RBFOX1: variants seen among roughly 807,000 people sequenced by gnomAD.
The protein encoded by RBFOX1 is RNA binding protein fox-1 homolog 1.
RBFOX1 carries 8 observed loss-of-function variants against 57.7 expected under a neutral mutation model. The observed-to-expected ratio is 0.14, with a 90% confidence interval of 0.08 to 0.25. The LOEUF (loss-of-function observed/expected upper bound fraction) is 0.25. Ranked by LOEUF, RBFOX1 falls within the 10% of genes least tolerant of loss-of-function variation. The pLI is 1.00. For missense variants in RBFOX1, 611 were observed against 548.5 expected, an observed-to-expected ratio of 1.11 and a Z score of -1.14; for synonymous variants, 326 against 222.4, an observed-to-expected ratio of 1.47 and a Z score of -4.15.
intron 2 of RBFOX1, among the ~76,000 whole-genome samples, chr16:6,335,636 G>A (rs999672542): frequency 1.3e-5 from 2 of 151,574 alleles, no homozygotes; most frequent in African/African-American, 4.8e-5. Flanking sequence ...AAATTAGCTG[G>A]GTGTGTTGAC....
chr16:6,019,397 G>T lies in RBFOX1; in HGVS notation c.-722G>T. 11 of 986,254 alleles carry T rather than the reference G, an allele frequency of 1.1e-5. No homozygotes were observed. The highest frequency in any genetic ancestry group is 1.3e-5 in the Non-Finnish European group (11 of 830,632). 61.1% of individuals were successfully genotyped at this position (986,254 alleles called of 1,614,324 possible). A position where few individuals can be genotyped will look rare whatever the true frequency, so the allele number is the denominator to read the frequency against. ...CTGCCCTGAAGTGGTTCTCCAAGCA[G>T]CGCGGAGGGTGGCGGACGGCGGACG... On this transcript the variant is annotated 5_prime_UTR_variant, in exon 1 of 16. Coordinates refer to ENST00000550418, the MANE Select transcript of RBFOX1 (RefSeq NM_018723.4). The surrounding 1 kb of genome is among the most constrained non-coding windows in gnomAD (Gnocchi z 4.2).
chr16:5,570,390 T>C (rs1445102058), intron 2 of RBFOX1, among the ~76,000 whole-genome samples: 1 of 152,162 alleles, frequency 6.6e-6, no homozygotes, highest in Non-Finnish European at 1.5e-5. Context: ...GGAGTTAGTG[T>C]ATGGGACTCA....
chr16:6,459,016 T>C (rs1765151932), intron 2 of RBFOX1, among the ~76,000 whole-genome samples: 1 of 152,238 alleles, frequency 6.6e-6, no homozygotes. Flanking sequence ...AGAAATTAAG[T>C]GCTTTGGAAA....
chr16:7,174,696 C>G (rs1435828364), intron 4 of RBFOX1, among the ~76,000 whole-genome samples: 1 of 152,208 alleles, frequency 6.6e-6, no homozygotes, highest in Non-Finnish European at 1.5e-5. Flanking sequence ...AGGAGAATCA[C>G]TTGAACGCGA....
chr16:6,758,437 A>G (rs2076136219), intron 3 of RBFOX1, among the ~76,000 whole-genome samples: 1 of 152,162 alleles, frequency 6.6e-6, no homozygotes, highest in Non-Finnish European at 1.5e-5. Context: ...TTGACAAATT[A>G]CAATTGAACC....
intron 1 of RBFOX1, among the ~76,000 whole-genome samples, chr16:5,276,598 C>T (rs1324019932): frequency 1.3e-5 from 2 of 152,100 alleles, no homozygotes; most frequent in Admixed American, 6.5e-5. Flanking sequence ...GCCTGACTAA[C>T]ATGGTGAAAC....
intron 2 of RBFOX1, among the ~76,000 whole-genome samples, chr16:6,573,506 C>A (rs912993063): frequency 6.6e-6 from 1 of 152,238 alleles, no homozygotes; most frequent in Non-Finnish European, 1.5e-5. Context: ...AAAAATTCTT[C>A]TGATTTACTG....
chr16:7,197,098 C>G (rs2086891203), intron 4 of RBFOX1, among the ~76,000 whole-genome samples: 1 of 152,166 alleles, frequency 6.6e-6, no homozygotes, highest in South Asian at 2.1e-4. Context: ...TACTCCTGTT[C>G]CATCTCTCCC....
At chr16:7,201,589 A>G (rs1187958259) in intron 4 of RBFOX1, among the ~76,000 whole-genome samples, 2 of 151,936 alleles carry the variant, frequency 1.3e-5, no homozygotes, top group African/African-American at 4.8e-5. Flanking sequence ...CAGCCTCCCA[A>G]GTGGCTGGGA....
intron 4 of RBFOX1, among the ~76,000 whole-genome samples, chr16:7,489,791 G>A (rs926813976): frequency 6.6e-6 from 1 of 151,928 alleles, no homozygotes; most frequent in Non-Finnish European, 1.5e-5. Flanking sequence ...AGAGCACTGG[G>A]ATTACAGGTG....
intron 4 of RBFOX1, among the ~76,000 whole-genome samples, chr16:7,218,657 T>C (rs979468083): frequency 1.8e-4 from 27 of 149,682 alleles, no homozygotes; most frequent in South Asian, 1.3e-3. Flanking sequence ...TGTGTGTGTG[T>C]GTGTGTGTGT....
intron 3 of RBFOX1, among the ~76,000 whole-genome samples, chr16:5,697,451 T>A (rs981454585): frequency 6.0e-5 from 9 of 151,182 alleles, no homozygotes; most frequent in Non-Finnish European, 1.2e-4. Context: ...ATGCCATATT[T>A]ATTGCCTATT....
intron 4 of RBFOX1, among the ~76,000 whole-genome samples, chr16:7,066,131 C>G (rs138518300): frequency 1.3e-5 from 2 of 152,294 alleles, no homozygotes; most frequent in Admixed American, 6.5e-5. Context: ...TCATTAGGCA[C>G]AAACAAATGC....
At chr16:7,042,648 A>G (rs2046549559) in intron 3 of RBFOX1, among the ~76,000 whole-genome samples, 1 of 152,232 alleles carries the variant, frequency 6.6e-6, no homozygotes, top group South Asian at 2.1e-4. Flanking sequence ...GATTAAGGCC[A>G]GGTGCAGTGG....
rs376118657 is a variant in RBFOX1 at position 6,054,224 on chromosome 16, G to C, written c.-127+34232G>C. ...TTATTTCATCCTGCTCTGCTTATTA[G>C]GAAACATAATATAATATGTTTTTTT... On this transcript the variant is annotated intron_variant, in intron 1 of 15. Transcript: ENST00000550418. Among the ~76,000 whole-genome samples, 4 of 151,986 alleles carry C rather than the reference G, an allele frequency of 2.6e-5. No individual in the cohort carries two copies. The South Asian group carries it at 6.2e-4, about 24-fold the overall frequency.
At chr16:7,233,368 G>A (rs1039773804) in intron 4 of RBFOX1, among the ~76,000 whole-genome samples, 3 of 152,020 alleles carry the variant, frequency 2.0e-5, no homozygotes, top group Non-Finnish European at 2.9e-5. Flanking sequence ...TGTTATTCAC[G>A]TGCTTCCAAG....
At chr16:5,654,015 G>A (rs567224390) in intron 3 of RBFOX1, among the ~76,000 whole-genome samples, 2 of 152,218 alleles carry the variant, frequency 1.3e-5, no homozygotes, top group African/African-American at 4.8e-5. Context: ...GGCCCAGCTG[G>A]TGCGAGCTTT....
At chr16:6,064,499 A>G (rs1005574248) in intron 1 of RBFOX1, among the ~76,000 whole-genome samples, 4 of 152,130 alleles carry the variant, frequency 2.6e-5, no homozygotes, top group African/African-American at 9.7e-5. Context: ...CCATTCCCAC[A>G]TTTTCTTTTC....
intron 4 of RBFOX1, among the ~76,000 whole-genome samples, chr16:7,144,838 G>C (rs995798675): frequency 1.3e-5 from 2 of 152,166 alleles, no homozygotes; most frequent in African/African-American, 4.8e-5. Context: ...CCGAGAAGGT[G>C]ATTGCTGAAG....
Sources: gnomAD v4.1 joint callset for allele counts (sites outside exome capture counted in the v4.1 genomes callset) on GRCh38, gnomAD v4.1.1 for gene constraint, Gnocchi (gnomAD v3.1) non-coding constraint, MANE v1.5 for transcripts, NCBI Gene and HGNC (gene_info 2026-07-23, HGNC 2026-07-21) for gene names.